Variants in CRYBG1 observed in about 807,000 individuals in gnomAD.
CRYBG1 encodes the protein beta/gamma crystallin domain-containing protein 1.
Under a neutral mutation model 189.2 loss-of-function variants are expected in CRYBG1, and 139 were observed. The ratio of observed to expected loss-of-function variants is 0.73; its 90% CI spans 0.64 to 0.85. The LOEUF (loss-of-function observed/expected upper bound fraction) is 0.85, where lower values mean the gene tolerates loss of function less well. CRYBG1 is among the 40% of genes least tolerant of loss of function. The probability of loss-of-function intolerance (pLI) is 0.00; values close to 1 mark genes in which losing one functional copy is unlikely to be tolerated. For missense variants in CRYBG1, 2,611 were observed against 2,675.8 expected (o/e 0.98, Z 0.53); for synonymous variants, 1,023 against 1,017.1 (o/e 1.01, Z -0.11).
At chr6:106,538,677 G>C (rs1157686703) in intron 8 of CRYBG1, among the ~76,000 whole-genome samples, 1 of 152,088 alleles carries the variant, frequency 6.6e-6, no homozygotes, top group Non-Finnish European at 1.5e-5. Context: ...CGGATCACCT[G>C]AGGCCAGGAG....
At chr6:106,429,158 C>T (rs776846369) in intron 1 of CRYBG1, among the ~76,000 whole-genome samples, 5 of 152,142 alleles carry the variant, frequency 3.3e-5, no homozygotes, top group African/African-American at 9.7e-5. Context: ...TTCTATTTTC[C>T]GTCTCTATGT....
intron 2 of CRYBG1, among the ~76,000 whole-genome samples, chr6:106,453,289 C>G (rs1211226653): frequency 6.6e-6 from 1 of 151,988 alleles, no homozygotes; most frequent in Non-Finnish European, 1.5e-5. Context: ...TAGAACATGA[C>G]AAAAGTAGGT....
intron 2 of CRYBG1, among the ~76,000 whole-genome samples, chr6:106,504,948 TA>T (rs200318829): frequency 0.1 from 14,471 of 144,946 alleles, 785 homozygotes; most frequent in African/African-American, 0.15. Context: ...TGGAAGTTAT[TA>T]AAAAAAAAAA....
chr6:106,430,200 G>A (rs111444483), intron 1 of CRYBG1, among the ~76,000 whole-genome samples: 15 of 152,272 alleles, frequency 9.9e-5, no homozygotes, highest in African/African-American at 3.1e-4. Context: ...GGAGGCCAAG[G>A]CAGAAGGATC....
At chr6:106,462,664 C>G (rs1287394332) in intron 2 of CRYBG1, among the ~76,000 whole-genome samples, 5 of 152,140 alleles carry the variant, frequency 3.3e-5, no homozygotes, top group African/African-American at 1.2e-4. Context: ...TGCAGCATAC[C>G]AAGTTCTTAT....
At chr6:106,434,752 A>C (rs1771424250) in intron 1 of CRYBG1, among the ~76,000 whole-genome samples, 1 of 152,262 alleles carries the variant, frequency 6.6e-6, no homozygotes, top group Non-Finnish European at 1.5e-5. Flanking sequence ...CTCTATTTAC[A>C]AAAACAGGTG....
In CRYBG1 at chr6:106,368,972, A is replaced by G. The variant is rs1246376274; in HGVS notation, c.173+7891A>G. Among the ~76,000 whole-genome samples the G allele has an allele frequency of 4.6e-5, 7 of 152,262 alleles. No individual in the cohort carries two copies. In the East Asian group the frequency reaches 1.3e-3, roughly 29 times the overall value. The stretch of plus-strand genomic sequence containing the variant: ...AATGTCACTTAAAATGATGGAGCCT[A>G]TCAATATATTGTTACCTATGCAAGA... On this transcript the variant is annotated intron_variant, in intron 1 of 21. Coordinates refer to ENST00000633556, the MANE Select transcript of CRYBG1 (RefSeq NM_001371242.2).
At chr6:106,472,360 G>A (rs1772248828) in intron 2 of CRYBG1, among the ~76,000 whole-genome samples, 1 of 152,094 alleles carries the variant, frequency 6.6e-6, no homozygotes, top group African/African-American at 2.4e-5. Flanking sequence ...TGGGAAATGA[G>A]TTATTCAAAA....
rs545128259 is a variant in CRYBG1, at chr6:106,505,379, C to A, written c.313-6051C>A. 5.3e-5 allele frequency among the ~76,000 whole-genome samples: 8 copies of A among 152,250 alleles called. No individual in the cohort carries two copies. The South Asian group carries it at 1.7e-3, about 32-fold the overall frequency. ...AAAGTGCTGGAATTACAGGCATGAG[C>A]CACCGCACCCGGCCCAATTTTTGTA... On this transcript the variant is annotated intron_variant, in intron 2 of 21. Coordinates refer to ENST00000633556, the MANE Select transcript of CRYBG1 (RefSeq NM_001371242.2).
intron 2 of CRYBG1, among the ~76,000 whole-genome samples, chr6:106,504,120 T>TA (rs139491134): frequency 6.6e-6 from 1 of 151,498 alleles, no homozygotes; most frequent in East Asian, 1.9e-4. Flanking sequence ...AAGATTTTTT[T>TA]AAAAAAAGAA....
chr6:106,453,839 A>T lies in CRYBG1; in HGVS notation c.312+2007A>T, dbSNP rs115159790. Among the ~76,000 whole-genome samples the T allele has an allele frequency of 3.3e-3, 509 of 152,308 alleles. 3 individuals carry two copies. The highest frequency in any genetic ancestry group is 0.012 in the African/African-American group (492 of 41,584). ...AAAATGTCAGGGAAGGAAGGAGGCC[A>T]GTTGGTATACCTGGGAGAGGCGGAG... On this transcript the variant is annotated intron_variant, in intron 2 of 21. Coordinates refer to ENST00000633556, the MANE Select transcript of CRYBG1 (RefSeq NM_001371242.2).
chr6:106,422,340 A>ATTTTTTTTTTTTTTTTTTT (rs747540246), intron 1 of CRYBG1, among the ~76,000 whole-genome samples: 134 of 68,240 alleles, frequency 2.0e-3, no homozygotes, highest in African/African-American at 6.0e-3. Context: ...TTATTTATTT[A>ATTTTTTTTTTTTTTTTTTT]TTTATTTTTG....
chr6:106,547,591 T>C (rs191921652), intron 13 of CRYBG1, among the ~76,000 whole-genome samples: 1 of 152,360 alleles, frequency 6.6e-6, no homozygotes, highest in African/African-American at 2.4e-5. Flanking sequence ...AGGAAAATTA[T>C]TGTATTTTAA....
At chr6:106,389,478 G>A (rs1770458027) in intron 1 of CRYBG1, among the ~76,000 whole-genome samples, 1 of 152,056 alleles carries the variant, frequency 6.6e-6, no homozygotes, top group Non-Finnish European at 1.5e-5. Context: ...CCATAGTAGT[G>A]TTCCAAAATT....
chr6:106,363,342 C>T (rs1347413156), intron 1 of CRYBG1, among the ~76,000 whole-genome samples: 1 of 150,934 alleles, frequency 6.6e-6, no homozygotes, highest in Middle Eastern at 3.2e-3. Context: ...TCATTTTTTC[C>T]TTCAGAACCG....
At chr6:106,533,342 G>A (rs931204525) in intron 8 of CRYBG1, among the ~76,000 whole-genome samples, 2 of 152,232 alleles carry the variant, frequency 1.3e-5, no homozygotes, top group African/African-American at 4.8e-5. Context: ...AGGAGGATAG[G>A]GATAAGACAG....
At chr6:106,404,485 A>G (rs1314159397) in intron 1 of CRYBG1, among the ~76,000 whole-genome samples, 1 of 152,214 alleles carries the variant, frequency 6.6e-6, no homozygotes, top group East Asian at 1.9e-4. Context: ...TGTTTCATAA[A>G]AAGAAATATT....
chr6:106,459,665 T>C (rs888443848), intron 2 of CRYBG1, among the ~76,000 whole-genome samples: 2 of 152,084 alleles, frequency 1.3e-5, no homozygotes, highest in African/African-American at 4.8e-5. Context: ...GGATGTACTA[T>C]CACATAGTTT....
Position 106,512,686 on chromosome 6 carries a change from G to GCAAACAGCCACCCCCGGCTTC in CRYBG1, c.1569_1570insCAAACAGCCACCCCCGGCTTC (p.Glu523_Ala524insGlnThrAlaThrProGlyPhe). 6.5e-7 allele frequency: 1 copy of GCAAACAGCCACCCCCGGCTTC among 1,546,282 alleles called. No individual in the cohort carries two copies. Among genetic ancestry groups the GCAAACAGCCACCCCCGGCTTC allele is most frequent in the East Asian group, 2.4e-5 (1 of 41,402 alleles). On this transcript the variant is annotated inframe_insertion, in exon 3 of 22. Transcript: ENST00000633556. ...GGAAGGGCAGGAGCCGTGCCCTCGA[G>GCAAACAGCCACCCCCGGCTTC]GCCGTGCCCGCCCCGCCCGCCAGCG...
Sources: gnomAD v4.1 joint callset for allele counts (sites outside exome capture counted in the v4.1 genomes callset) on GRCh38, gnomAD v4.1.1 for gene constraint, MANE v1.5 for transcripts, NCBI Gene and HGNC (gene_info 2026-07-23, HGNC 2026-07-21) for gene names.